Variants in ENOSF1 observed in about 807,000 individuals in gnomAD.
ENOSF1 encodes mitochondrial enolase superfamily member 1.
A neutral mutation model predicts 68.2 loss-of-function variants in ENOSF1; 73 were observed. The ratio of observed to expected loss-of-function variants is 1.07; its 90% confidence interval spans 0.89 to 1.30. ENOSF1 has a LOEUF of 1.30. Among genes scored for constraint, ENOSF1 ranks in the 50% most tolerant of loss-of-function variants. ENOSF1 has a pLI of 0.00. For missense variants in ENOSF1, 589 were observed against 554.5 expected, an observed-to-expected ratio of 1.06 and a Z score of -0.62; for synonymous variants, 223 against 210.4, an observed-to-expected ratio of 1.06 and a Z score of -0.52.
chr18:673,112 G>GT lies in ENOSF1; in HGVS notation c.*1192dup. The GT allele has an allele frequency of 8.7e-7, 1 of 1,148,130 alleles. No individual in the cohort carries two copies. The highest frequency in any genetic ancestry group is 1.2e-6 in the Non-Finnish European group (1 of 839,214). 71.1% of individuals were successfully genotyped at this position (1,148,130 alleles called of 1,614,324 possible). ...AAGGAACTAGGTCAAAAATCTGTCCGTGACCTATCAGTTATTAATTTTTAA... is the reference window on the plus strand; with the variant it reads ...AAGGAACTAGGTCAAAAATCTGTCCGTTGACCTATCAGTTATTAATTTTTAA... On this transcript the variant is annotated 3_prime_UTR_variant, in exon 16 of 16. Coordinates refer to ENST00000647584, the MANE Select transcript of ENOSF1 (RefSeq NM_017512.7).
intron 1 of ENOSF1, among the ~76,000 whole-genome samples, chr18:707,977 A>T (rs1054770976): frequency 2.7e-5 from 4 of 150,788 alleles, no homozygotes; most frequent in Non-Finnish European, 5.9e-5. Flanking sequence ...CTTCTGCCTC[A>T]GCCTCCCAAG....
At chr18:711,075 T>A (rs1463921058) in intron 1 of ENOSF1, among the ~76,000 whole-genome samples, 1 of 151,874 alleles carries the variant, frequency 6.6e-6, no homozygotes, top group Non-Finnish European at 1.5e-5. Context: ...GAGGCTGAGG[T>A]GGGAGGATTG....
rs757142346 is a variant in ENOSF1 at position 683,380 on chromosome 18, T to A, written c.742A>T (p.Met248Leu). The part of the protein sequence containing the change: ...RDMIGPEKTL[M>L]MDANQRWDVP... Reference sequence around the variant, plus strand: ...TCCCAGCGCTGGTTGGCATCCATCATCTGCAAAAAGAGACTCTTCACAGGG... The same window carrying A: ...TCCCAGCGCTGGTTGGCATCCATCAACTGCAAAAAGAGACTCTTCACAGGG... The change falls in exon 11 of 16, where the codon ATG becomes TTG. Residue 248 changes from methionine (M) to leucine (L), a missense_variant and splice_region_variant. Physicochemically the swap from Met to Leu is conservative, Grantham distance 15. Transcript: ENST00000647584. 1 of 1,613,918 alleles carries A rather than the reference T, an allele frequency of 6.2e-7. No individual in the cohort carries two copies. Among genetic ancestry groups the A allele is most frequent in the Non-Finnish European group, 8.5e-7 (1 of 1,179,954 alleles).
chr18:690,918 G>C, intron 7 of ENOSF1, 150 bp downstream of exon 7: 1 of 1,168,704 alleles, frequency 8.6e-7, no homozygotes, highest in Non-Finnish European at 1.2e-6. Flanking sequence ...TACCCAGCAG[G>C]CTTCACCATG....
chr18:683,097 C>G (rs1253363178), intron 11 of ENOSF1, 149 bp downstream of exon 11: 1 of 919,918 alleles, frequency 1.1e-6, no homozygotes, highest in East Asian at 2.7e-5. Flanking sequence ...TCTGTAACCC[C>G]TGTATTTGTC....
chr18:696,204 C>T (rs866193315), intron 3 of ENOSF1, among the ~76,000 whole-genome samples: 39 of 118,702 alleles, frequency 3.3e-4, no homozygotes, highest in East Asian at 1.1e-3. Flanking sequence ...ACATCTCTCT[C>T]TTTTTTTTTT....
At chr18:666,887 C>T (rs562661108), downstream of ENOSF1, among the ~76,000 whole-genome samples, 4 of 122,630 alleles carry the variant, frequency 3.3e-5, 1 homozygote, top group African/African-American at 7.7e-5. Flanking sequence ...CGAAAAAGTT[C>T]GGGAGATGGT....
intron 11 of ENOSF1, among the ~76,000 whole-genome samples, chr18:680,022 A>C (rs1236637753): frequency 2.0e-5 from 3 of 152,222 alleles, no homozygotes; most frequent in Non-Finnish European, 4.4e-5. Context: ...CCGGGTTTGA[A>C]CTGTTCCTGG....
intron 5 of ENOSF1, chr18:693,087 G>A (rs1281285436): frequency 1.9e-5 from 24 of 1,288,270 alleles, no homozygotes; most frequent in Non-Finnish European, 2.3e-5. Flanking sequence ...AGTGAAACCC[G>A]GACTCACAGC....
chr18:694,512 T>C (rs2077520259), intron 3 of ENOSF1, among the ~76,000 whole-genome samples, 178 bp from the exon 4 acceptor site: 1 of 151,558 alleles, frequency 6.6e-6, no homozygotes. Context: ...GTGCCTGTAG[T>C]CCCTACTCAG....
rs1434528387 is a variant in ENOSF1, at chr18:673,529, A to T, written c.*776T>A. 2 of 191,394 alleles carry T rather than the reference A, an allele frequency of 1.0e-5. No individual in the cohort carries two copies. Among genetic ancestry groups the T allele is most frequent in the Non-Finnish European group, 2.2e-5 (2 of 91,760 alleles). 11.9% of individuals were successfully genotyped at this position (191,394 alleles called of 1,614,324 possible). A position where few individuals can be genotyped will look rare whatever the true frequency, so the allele number is the denominator to read the frequency against. On this transcript the variant is annotated 3_prime_UTR_variant, in exon 16 of 16. Transcript: ENST00000647584. ...CTTTGTTCATTCTGTACTGCCACTT[A>T]TCTGCTCAGTTCCTTCCTAAAATAG...
chr18:690,741 C>T (rs773875035), intron 7 of ENOSF1, 110 bp from the exon 8 acceptor site: 157 of 1,206,660 alleles, frequency 1.3e-4, no homozygotes, highest in Non-Finnish European at 1.6e-4. Flanking sequence ...TCTCCTGATC[C>T]GGCCCTGCAC....
chr18:711,795 G>T (rs1298764737), intron 1 of ENOSF1, among the ~76,000 whole-genome samples: 1 of 152,138 alleles, frequency 6.6e-6, no homozygotes, highest in East Asian at 1.9e-4. Flanking sequence ...GCGTGTTTGC[G>T]GGTAATTTCA....
At chr18:706,799 A>ATG (rs59550387) in intron 1 of ENOSF1, 18,518 of 142,110 alleles carry the variant, frequency 0.13, 1,238 homozygotes, top group African/African-American at 0.19. Context: ...AGAGCAATGT[A>ATG]TGTATATATA....
chr18:688,460 G>A, intron 9 of ENOSF1, 114 bp downstream of exon 9: 10 of 1,394,168 alleles, frequency 7.2e-6, no homozygotes, highest in Non-Finnish European at 1.0e-5. Context: ...CTATGAGCCA[G>A]GGGGATCCTA....
At chr18:684,234 A>T (rs1344863896) in intron 10 of ENOSF1, among the ~76,000 whole-genome samples, 1 of 151,718 alleles carries the variant, frequency 6.6e-6, no homozygotes, top group African/African-American at 2.4e-5. Flanking sequence ...TGACCTTGTG[A>T]TCCGCCCGCC....
chr18:669,279 C>A, downstream of ENOSF1: 1 of 846,986 alleles, frequency 1.2e-6, no homozygotes, highest in Admixed American at 2.5e-5. Flanking sequence ...TGGGAACTTC[C>A]CCCAGCCACA....
At position 693,314 on chromosome 18, in the gene ENOSF1, T is replaced by C. The variant is rs1217410063; in HGVS notation, c.423+568A>G. 15 of 1,233,844 alleles carry C rather than the reference T, an allele frequency of 1.2e-5. No homozygotes were observed. In the East Asian group the frequency reaches 7.5e-4, roughly 62 times the overall value. The allele number at this position is 1,233,844 out of a possible 1,614,324, so 76.4% of individuals were successfully genotyped here. A position where few individuals can be genotyped will look rare whatever the true frequency, so the allele number is the denominator to read the frequency against. ...TATTCTTGGTGTCAAAGTGACTGGATAGTATCTTTTCTTTTTTCTTTTTTT... is the reference window on the plus strand; with the variant it reads ...TATTCTTGGTGTCAAAGTGACTGGACAGTATCTTTTCTTTTTTCTTTTTTT... On this transcript the variant is annotated intron_variant, in intron 5 of 15. Coordinates refer to ENST00000647584, the MANE Select transcript of ENOSF1 (RefSeq NM_017512.7).
chr18:670,886 G>A lies in ENOSF1; in HGVS notation c.*3419C>T. The A allele has an allele frequency of 6.2e-7, 1 of 1,612,988 alleles. No individual in the cohort carries two copies. The highest frequency in any genetic ancestry group is 8.5e-7 in the Non-Finnish European group (1 of 1,179,354). ...CCTGAAGGTGGGCTGTCTCGGGAAGGGTGACTTGCCAGCCTACCACACTGA... is the reference window on the plus strand; with the variant it reads ...CCTGAAGGTGGGCTGTCTCGGGAAGAGTGACTTGCCAGCCTACCACACTGA... On this transcript the variant is annotated 3_prime_UTR_variant, in exon 16 of 16. Coordinates refer to ENST00000647584, the MANE Select transcript of ENOSF1 (RefSeq NM_017512.7).
Sources: gnomAD v4.1 joint callset for allele counts (sites outside exome capture counted in the v4.1 genomes callset) on GRCh38, gnomAD v4.1.1 for gene constraint, MANE v1.5 for transcripts, NCBI Gene and HGNC (gene_info 2026-07-23, HGNC 2026-07-21) for gene names.